Variants in MAT2B observed in about 807,000 individuals in gnomAD.
MAT2B encodes the protein methionine adenosyltransferase 2 non-catalytic beta subunit.
MAT2B carries 16 observed loss-of-function variants against 36.1 expected under a neutral mutation model. The ratio of observed to expected loss-of-function variants is 0.44; its 90% confidence interval spans 0.30 to 0.67. The LOEUF is 0.67. Among genes scored for constraint, MAT2B ranks in the 30% least tolerant of loss-of-function variants. The pLI is 0.09. For missense variants in MAT2B, 332 were observed against 398.2 expected, an observed-to-expected ratio of 0.83 and a Z score of 1.42; for synonymous variants, 148 against 136.9, an observed-to-expected ratio of 1.08 and a Z score of -0.57.
At position 163,516,510 on chromosome 5, in the gene MAT2B, T is replaced by C. The variant is rs1561658280; in HGVS notation, c.527-8T>C. The C allele has an allele frequency of 8.1e-6, 13 of 1,610,826 alleles. No homozygotes were observed. Among genetic ancestry groups the C allele is most frequent in the South Asian group, 1.1e-5 (1 of 90,996 alleles). ...AGCTTTAAATTATTTGCTTTTATTC[T>C]TCTCTAGGAGCTGCTGTTTTGAGGA... is the stretch of plus-strand genomic sequence containing the variant. On this transcript the variant is annotated splice_region_variant and splice_polypyrimidine_tract_variant and intron_variant, in intron 4 of 6. Coordinates refer to ENST00000321757, the MANE Select transcript of MAT2B (RefSeq NM_013283.5).
chr5:163,516,116 C>T (rs1481668188), intron 4 of MAT2B, among the ~76,000 whole-genome samples: 2 of 152,130 alleles, frequency 1.3e-5, no homozygotes, highest in Middle Eastern at 3.2e-3. Flanking sequence ...AGTCATAGCT[C>T]ATTGCAACCT....
At chr5:163,516,741 C>T (rs766107703) in intron 5 of MAT2B, 30 bp downstream of exon 5, 12 of 1,610,284 alleles carry the variant, frequency 7.5e-6, no homozygotes, top group East Asian at 2.2e-5. Flanking sequence ...CCTGTCTTAG[C>T]GAAGGTCCGC....
At chr5:163,510,030 G>A (rs1304256162) in intron 1 of MAT2B, among the ~76,000 whole-genome samples, 2 of 152,076 alleles carry the variant, frequency 1.3e-5, no homozygotes, top group African/African-American at 4.8e-5. Context: ...AAAAAAAAAT[G>A]TATGTATTCG....
chr5:163,508,680 C>T (rs575372328), intron 1 of MAT2B, among the ~76,000 whole-genome samples: 16 of 151,660 alleles, frequency 1.1e-4, no homozygotes, highest in African/African-American at 3.6e-4. Context: ...TGCAGTTGTG[C>T]GATCTCGGCT....
At position 163,518,411 on chromosome 5, in the gene MAT2B, T is replaced by C. The variant is rs1435536532; in HGVS notation, c.*48T>C. On this transcript the variant is annotated 3_prime_UTR_variant, in exon 7 of 7. Coordinates refer to ENST00000321757, the MANE Select transcript of MAT2B (RefSeq NM_013283.5). The stretch of plus-strand genomic sequence containing the variant: ...TTTTTTTTAAATGAAAAGTATAGTA[T>C]GTGGCACTTTTTAAAGAACAAAGGA... 7.4e-6 allele frequency: 11 copies of C among 1,488,586 alleles called. No homozygotes were observed. The highest frequency in any genetic ancestry group is 1.4e-5 in the African/African-American group (1 of 70,410). 92.2% of individuals were successfully genotyped at this position (1,488,586 alleles called of 1,614,324 possible).
intron 1 of MAT2B, among the ~76,000 whole-genome samples, chr5:163,510,275 A>T (rs540615282): frequency 6.6e-6 from 1 of 151,474 alleles, no homozygotes; most frequent in South Asian, 2.1e-4. Flanking sequence ...TAGAATTTAA[A>T]TTTTTTCCTA....
Position 163,510,520 on chromosome 5 carries a change from G to A in MAT2B, c.64-1482G>A, listed in dbSNP as rs528218855. Among the ~76,000 whole-genome samples the A allele has an allele frequency of 4.0e-5, 6 of 149,600 alleles. No individual in the cohort carries two copies. In the East Asian group the frequency reaches 1.0e-3, roughly 25 times the overall value. On this transcript the variant is annotated intron_variant, in intron 1 of 6. Coordinates refer to ENST00000321757, the MANE Select transcript of MAT2B (RefSeq NM_013283.5). ...AAGCAATTCTCCCGCCTCGCCTCCC[G>A]AGTAGCTGGGATTACAGGCACCTGC...
chr5:163,514,612 GT>G (rs11381240), intron 4 of MAT2B, among the ~76,000 whole-genome samples: 1 of 151,562 alleles, frequency 6.6e-6, no homozygotes, highest in African/African-American at 2.4e-5. Context: ...TTCACAACCT[GT>G]TTTTTTTCCC....
At chr5:163,504,063 C>T (rs1759890112), upstream of MAT2B, among the ~76,000 whole-genome samples, 2 of 152,194 alleles carry the variant, frequency 1.3e-5, no homozygotes. Context: ...CATATGCTTG[C>T]CCTTAAACCT....
chr5:163,505,136 T>G (rs1424534457), upstream of MAT2B, among the ~76,000 whole-genome samples: 3 of 152,276 alleles, frequency 2.0e-5, no homozygotes, highest in Middle Eastern at 3.4e-3. Flanking sequence ...CCAACCCTTT[T>G]ATTTTTATTC....
Position 163,518,400 on chromosome 5 carries a change from A to C in MAT2B, c.*37A>C. The C allele has an allele frequency of 3.2e-6, 5 of 1,551,494 alleles. No individual in the cohort carries two copies. Among genetic ancestry groups the C allele is most frequent in the Non-Finnish European group, 4.4e-6 (5 of 1,145,612 alleles). On this transcript the variant is annotated 3_prime_UTR_variant, in exon 7 of 7. Transcript: ENST00000321757. ...TGGGTTCTTTTTTTTTTTTAAATGAAAAGTATAGTATGTGGCACTTTTTAA... is the reference window on the plus strand; with the variant it reads ...TGGGTTCTTTTTTTTTTTTAAATGACAAGTATAGTATGTGGCACTTTTTAA...
Position 163,516,614 on chromosome 5 carries a change from A to G in MAT2B, c.623A>G (p.Asn208Ser). Reference protein sequence around the residue: ...TVMFDKVQFSNKSANMDHWQQ... With the variant: ...TVMFDKVQFSSKSANMDHWQQ... ...ATGTTTGATAAAGTGCAGTTCAGCA[A>G]CAAGTCAGCAAACATGGATCACTGG... The change falls in exon 5 of 7, where the codon AAC becomes AGC. Residue 208 changes from asparagine to serine, a missense_variant. Transcript: ENST00000321757. 6.2e-7 allele frequency: 1 copy of G among 1,614,204 alleles called. No homozygotes were observed. The highest frequency in any genetic ancestry group is 1.3e-5 in the African/African-American group (1 of 75,056).
intron 2 of MAT2B, chr5:163,513,172 A>G (rs1342675982): frequency 5.8e-6 from 1 of 171,778 alleles, no homozygotes; most frequent in Non-Finnish European, 1.3e-5. Flanking sequence ...TTTTTTGTAG[A>G]GATTGAGTAC....
chr5:163,508,376 T>TACCTAAAATTACCTAGAAAAA (rs1759977637), intron 1 of MAT2B, among the ~76,000 whole-genome samples: 1 of 151,900 alleles, frequency 6.6e-6, no homozygotes, highest in African/African-American at 2.4e-5. Flanking sequence ...TAGCTGAGAT[T>TACCTAAAATTACCTAGAAAAA]ATAGGCGCCC....
upstream of MAT2B, chr5:163,503,357 C>T (rs774760038): frequency 2.4e-5 from 39 of 1,607,530 alleles, no homozygotes; most frequent in Non-Finnish European, 3.1e-5. Context: ...AGGCTAAGAC[C>T]CATCCCGTAT....
chr5:163,516,800 T>G, intron 5 of MAT2B, 89 bp downstream of exon 5: 1 of 1,433,882 alleles, frequency 7.0e-7, no homozygotes, highest in Non-Finnish European at 9.7e-7. Flanking sequence ...GGAGTGTTAC[T>G]GAGTGAAAGC....
In MAT2B at chr5:163,511,983, A is replaced by G. The variant is rs748514919; in HGVS notation, c.64-19A>G. On this transcript the variant is annotated intron_variant, in intron 1 of 6. Transcript: ENST00000321757. Reference sequence around the variant, plus strand: ...GTTTTCAAAGTTAGTAACTCTTTCTATCCGCCTTCACCTTTTAGGAGGAAG... The same window carrying G: ...GTTTTCAAAGTTAGTAACTCTTTCTGTCCGCCTTCACCTTTTAGGAGGAAG... The G allele has an allele frequency of 4.4e-6, 7 of 1,588,068 alleles. No homozygotes were observed. The highest frequency in any genetic ancestry group is 3.4e-4 in the Middle Eastern group (2 of 5,944).
chr5:163,513,146 T>A (rs1024086183), intron 2 of MAT2B: 1 of 172,202 alleles, frequency 5.8e-6, no homozygotes, highest in African/African-American at 2.4e-5. Context: ...CCACCACGAC[T>A]GGCTGATTTT....
chr5:163,512,764 C>T (rs773256735), intron 2 of MAT2B: 34 of 431,916 alleles, frequency 7.9e-5, no homozygotes, highest in African/African-American at 4.6e-4. Context: ...ACTGCAGCCT[C>T]CGCCTCCCAG....
Sources: allele counts gnomAD v4.1 joint callset (sites outside exome capture counted in the v4.1 genomes callset), GRCh38; gene constraint gnomAD v4.1.1; transcripts MANE v1.5; gene names NCBI Gene and HGNC (gene_info 2026-07-23, HGNC 2026-07-21).